KCND3: variants seen among roughly 807,000 people sequenced by gnomAD.
KCND3 encodes A-type voltage-gated potassium channel KCND3.
A neutral mutation model predicts 51.1 loss-of-function variants in KCND3; 9 were observed. The ratio of observed to expected loss-of-function variants is 0.18; its 90% CI spans 0.11 to 0.31. KCND3 has a LOEUF of 0.31. Among genes scored for constraint, KCND3 ranks in the 10% least tolerant of loss-of-function variants. The pLI, the probability that KCND3 is intolerant of heterozygous loss-of-function variation, is 1.00. For missense variants in KCND3, 526 were observed against 903.8 expected (o/e 0.58, Z 5.36); for synonymous variants, 349 against 368.0 (o/e 0.95, Z 0.59).
chr1:111,979,293 G>T (rs1024316826), intron 2 of KCND3, among the ~76,000 whole-genome samples: 7 of 152,142 alleles, frequency 4.6e-5, no homozygotes, highest in Non-Finnish European at 8.8e-5. Context: ...TAATCTACAG[G>T]GTGAATGACA....
chr1:111,964,358 G>C (rs1373288), intron 2 of KCND3, among the ~76,000 whole-genome samples: 1 of 152,118 alleles, frequency 6.6e-6, no homozygotes, highest in South Asian at 2.1e-4. Flanking sequence ...CCCAACCTGC[G>C]GGCTGCAGTA....
At chr1:111,948,758 G>T (rs1201762381) in intron 2 of KCND3, among the ~76,000 whole-genome samples, 1 of 152,068 alleles carries the variant, frequency 6.6e-6, no homozygotes, top group Non-Finnish European at 1.5e-5. Flanking sequence ...TCTTATCACA[G>T]CTGTGAGCAG....
chr1:111,956,351 G>C (rs1673340787), intron 2 of KCND3, among the ~76,000 whole-genome samples: 1 of 152,206 alleles, frequency 6.6e-6, no homozygotes, highest in Non-Finnish European at 1.5e-5. Context: ...CCCAGTTCCG[G>C]AGCCCGAGGG....
intron 2 of KCND3, among the ~76,000 whole-genome samples, chr1:111,868,604 C>T (rs1050948588): frequency 4.6e-5 from 7 of 152,124 alleles, no homozygotes; most frequent in Admixed American, 4.6e-4. Context: ...TAATAGCTAC[C>T]ATTTATTAAG....
At chr1:111,779,931 C>A (rs571891631) in intron 5 of KCND3, among the ~76,000 whole-genome samples, 1 of 152,344 alleles carries the variant, frequency 6.6e-6, no homozygotes, top group African/African-American at 2.4e-5. Flanking sequence ...GATAGGCAGA[C>A]CCCTAAGTCC....
intron 2 of KCND3, among the ~76,000 whole-genome samples, chr1:111,814,946 A>G (rs1054381415): frequency 2.0e-5 from 3 of 152,386 alleles, no homozygotes; most frequent in Admixed American, 6.5e-5. Flanking sequence ...ATCAAATGGC[A>G]GAATACCTGG....
intron 2 of KCND3, among the ~76,000 whole-genome samples, chr1:111,828,809 G>T (rs976797930): frequency 2.0e-5 from 3 of 152,156 alleles, no homozygotes; most frequent in African/African-American, 7.2e-5. Context: ...GAGGCCCCTG[G>T]AACCAAGGTA....
chr1:111,932,548 T>A (rs1038216852), intron 2 of KCND3, among the ~76,000 whole-genome samples: 35 of 152,330 alleles, frequency 2.3e-4, no homozygotes, highest in Non-Finnish European at 4.9e-4. Context: ...TGCACTCAGC[T>A]CCTGGCAGCC....
chr1:111,900,562 A>T (rs1283081931), intron 2 of KCND3, among the ~76,000 whole-genome samples: 4 of 152,162 alleles, frequency 2.6e-5, no homozygotes, highest in African/African-American at 4.8e-5. Context: ...AGATTCCTGG[A>T]GTCTATTTCC....
intron 2 of KCND3, among the ~76,000 whole-genome samples, chr1:111,926,657 G>A (rs1158313850): frequency 6.6e-6 from 1 of 152,262 alleles, no homozygotes; most frequent in African/African-American, 2.4e-5. Flanking sequence ...AGGGCCAGGT[G>A]AGGACAGACC....
chr1:111,934,449 G>A (rs1672121441), intron 2 of KCND3, among the ~76,000 whole-genome samples: 1 of 152,210 alleles, frequency 6.6e-6, no homozygotes, highest in Admixed American at 6.5e-5. Context: ...AGGAGATGCT[G>A]GCCACAGCAA....
At chr1:111,912,168 A>G (rs1389992690) in intron 2 of KCND3, among the ~76,000 whole-genome samples, 2 of 152,274 alleles carry the variant, frequency 1.3e-5, no homozygotes, top group Non-Finnish European at 2.9e-5. Context: ...TTCCCAGGTG[A>G]GAATGAACAG....
Position 111,854,777 on chromosome 1 carries a change from G to C in KCND3, c.1107-67671C>G, listed in dbSNP as rs557268951. Reference sequence around the variant, plus strand: ...CTGTTTGAGAGATGAGGGGACTAAGGCCTCGAGTTACCAAAAGCACTGCCT... The same window carrying C: ...CTGTTTGAGAGATGAGGGGACTAAGCCCTCGAGTTACCAAAAGCACTGCCT... On this transcript the variant is annotated intron_variant, in intron 2 of 7. Coordinates refer to ENST00000302127, the MANE Select transcript of KCND3 (RefSeq NM_001378969.1). Among the ~76,000 whole-genome samples the C allele has an allele frequency of 2.0e-5, 3 of 152,284 alleles. No individual in the cohort carries two copies. In the South Asian group the frequency reaches 6.2e-4, roughly 32 times the overall value.
intron 7 of KCND3, 116 bp from the exon 8 acceptor site, chr1:111,776,394 A>G (rs1031864004): frequency 1.2e-5 from 11 of 910,978 alleles, no homozygotes; most frequent in Non-Finnish European, 1.9e-5. Context: ...TTGTGCCTCT[A>G]TCTCTGCCTT....
chr1:111,885,473 A>T (rs547162674), intron 2 of KCND3, among the ~76,000 whole-genome samples: 2 of 152,342 alleles, frequency 1.3e-5, no homozygotes, highest in African/African-American at 4.8e-5. Flanking sequence ...AGTGTGCACT[A>T]CACATTCCCA....
At chr1:111,806,662 C>T (rs72981906) in intron 2 of KCND3, among the ~76,000 whole-genome samples, 12,435 of 152,194 alleles carry the variant, frequency 0.082, 889 homozygotes, top group African/African-American at 0.18. Context: ...ATATAACAAA[C>T]ATTTTCTTAA....
chr1:111,868,001 T>C (rs1169453248), intron 2 of KCND3, among the ~76,000 whole-genome samples: 1 of 152,168 alleles, frequency 6.6e-6, no homozygotes, highest in Non-Finnish European at 1.5e-5. Context: ...CATTAGGCTG[T>C]TAGAAGATTT....
chr1:111,860,542 C>A (rs1306966262), intron 2 of KCND3, among the ~76,000 whole-genome samples: 1 of 152,124 alleles, frequency 6.6e-6, no homozygotes, highest in Non-Finnish European at 1.5e-5. Flanking sequence ...CCCCCACCCC[C>A]CCAACTTGGG....
chr1:111,894,063 C>T lies in KCND3; in HGVS notation c.1106+87558G>A, dbSNP rs569616876. Among the ~76,000 whole-genome samples the T allele has an allele frequency of 1.1e-3, 162 of 152,304 alleles. 1 individual carries two copies. The highest frequency in any genetic ancestry group is 3.7e-3 in the African/African-American group (153 of 41,564). ...AAAGCATGAACAAGATCAAATCAGC[C>T]AACTGCCTCACAGTCTCTAGTGGCT... is the stretch of plus-strand genomic sequence containing the variant. On this transcript the variant is annotated intron_variant, in intron 2 of 7. Transcript: ENST00000302127.
Sources: gnomAD v4.1 joint callset for allele counts (sites outside exome capture counted in the v4.1 genomes callset) on GRCh38, gnomAD v4.1.1 for gene constraint, MANE v1.5 for transcripts, NCBI Gene and HGNC (gene_info 2026-07-23, HGNC 2026-07-21) for gene names.